The following TEX14 variants were observed in gnomAD, a reference collection of about 807,000 sequenced individuals.
TEX14 encodes inactive serine/threonine-protein kinase TEX14.
Under a neutral mutation model 178.6 loss-of-function variants are expected in TEX14, and 168 were observed. The observed-to-expected ratio is 0.94, with a 90% CI of 0.83 to 1.07. TEX14 has a LOEUF of 1.07. TEX14 is among the 50% of genes least tolerant of loss of function. The probability of loss-of-function intolerance (pLI) is 0.00; values close to 1 mark genes in which losing one functional copy is unlikely to be tolerated. For synonymous variants in TEX14, 626 were observed against 634.1 expected (o/e 0.99, Z 0.19); for missense variants, 1,730 against 1,753.6 (o/e 0.99, Z 0.24).
At chr17:58,605,205 T>C in intron 10 of TEX14, 76 bp from the exon 11 acceptor site, 1 of 1,502,408 alleles carries the variant, frequency 6.7e-7, no homozygotes, top group Non-Finnish European at 9.0e-7. Context: ...ATTCATTCTT[T>C]CATTCATTCA....
chr17:58,602,702 ATTTTT>A (rs11451118), intron 11 of TEX14, 112 bp from the exon 12 acceptor site: 2 of 736,442 alleles, frequency 2.7e-6, no homozygotes, highest in African/African-American at 3.6e-5. Context: ...TAACTTCTTT[ATTTTT>A]TTTTCTAATC....
At chr17:58,571,320 C>T (rs1160689527) in intron 24 of TEX14, among the ~76,000 whole-genome samples, 4 of 148,690 alleles carry the variant, frequency 2.7e-5, no homozygotes, top group Non-Finnish European at 5.9e-5. Flanking sequence ...ACTGCAACCT[C>T]GACCTCCTGG....
intron 1 of TEX14, chr17:58,660,891 G>T: frequency 1.2e-6 from 1 of 816,928 alleles, no homozygotes; most frequent in Non-Finnish European, 2.2e-6. Context: ...GGCCTCTTCT[G>T]GTGACATGAG....
chr17:58,609,665 A>G (rs1268865678), intron 10 of TEX14, among the ~76,000 whole-genome samples: 2 of 152,188 alleles, frequency 1.3e-5, no homozygotes, highest in Admixed American at 6.5e-5. Context: ...AGGGCCCACA[A>G]GGCCAAGCAC....
At chr17:58,667,033 G>T (rs922258710) in intron 1 of TEX14, among the ~76,000 whole-genome samples, 2 of 152,156 alleles carry the variant, frequency 1.3e-5, no homozygotes, top group Non-Finnish European at 2.9e-5. Context: ...CGTCTGTCAG[G>T]CCATTTTCCT....
intron 20 of TEX14, 30 bp from the exon 21 acceptor site, chr17:58,577,486 T>G: frequency 1.1e-6 from 1 of 877,344 alleles, no homozygotes; most frequent in Non-Finnish European, 1.6e-6. Context: ...AATATATATA[T>G]ATATTTTTTT....
At chr17:58,628,282 A>G (rs1190033209) in intron 3 of TEX14, among the ~76,000 whole-genome samples, 3 of 152,138 alleles carry the variant, frequency 2.0e-5, no homozygotes, top group African/African-American at 7.2e-5. Context: ...ACACACATAC[A>G]TAAAATACAA....
At chr17:58,664,644 G>A (rs991526146) in intron 1 of TEX14, among the ~76,000 whole-genome samples, 6 of 152,122 alleles carry the variant, frequency 3.9e-5, no homozygotes, top group African/African-American at 1.4e-4. Flanking sequence ...AAAAAGTTCA[G>A]CAGGGCCACA....
At chr17:58,589,488 G>C (rs1225948771) in intron 15 of TEX14, among the ~76,000 whole-genome samples, 1 of 149,230 alleles carries the variant, frequency 6.7e-6, no homozygotes, top group Non-Finnish European at 1.5e-5. Context: ...CTTGAACCCG[G>C]GAGGCAGAGG....
intron 14 of TEX14, 141 bp downstream of exon 14, chr17:58,598,735 T>C: frequency 1.2e-6 from 1 of 843,196 alleles, no homozygotes; most frequent in East Asian, 2.4e-5. Context: ...GGATGCCCCT[T>C]CCTCCCACTC....
Position 58,599,535 on chromosome 17 carries a change from C to T in TEX14, c.1810G>A (p.Ala604Thr), listed in dbSNP as rs758192054. ...QDAPCPAPFMAEEASSPSTGQ... is the reference protein window; with the variant it reads ...QDAPCPAPFMTEEASSPSTGQ... ...GTGCTGGGGCTGCTGGCCTCTTCTG[C>T]CATAAATGGAGCAGGGCAAGGAGCA... is the stretch of plus-strand genomic sequence containing the variant. The change falls in exon 14 of 32, where the codon GCA becomes ACA. Residue 604 changes from alanine to threonine, a missense_variant. Physicochemically the swap from Ala to Thr is moderately conservative, Grantham distance 58. Around this residue, in one of 2 missense-constraint regions of TEX14, gnomAD observed 941 missense variants for 1,072.4 expected, o/e 0.88. Coordinates refer to ENST00000349033, the MANE Select transcript of TEX14 (RefSeq NM_031272.5). The T allele has an allele frequency of 2.5e-6, 4 of 1,614,024 alleles. No individual in the cohort carries two copies. The South Asian group carries it at 4.4e-5, about 18-fold the overall frequency.
intron 1 of TEX14, 28 bp from the exon 2 acceptor site, chr17:58,652,030 T>C: frequency 6.7e-7 from 1 of 1,481,614 alleles, no homozygotes; most frequent in East Asian, 2.4e-5. Flanking sequence ...AATATGCTTA[T>C]TTTAACTGAA....
intron 5 of TEX14, 66 bp from the exon 6 acceptor site, chr17:58,617,685 G>T: frequency 2.6e-6 from 3 of 1,171,564 alleles, no homozygotes; most frequent in South Asian, 2.7e-5. Context: ...TAATAATGCT[G>T]AACCAAGTTT....
At chr17:58,681,326 G>A (rs986690564) in intron 1 of TEX14, among the ~76,000 whole-genome samples, 1 of 152,040 alleles carries the variant, frequency 6.6e-6, no homozygotes, top group Non-Finnish European at 1.5e-5. Flanking sequence ...GAACATAGAG[G>A]TGTCTTAGAT....
chr17:58,594,222 A>T lies in TEX14; in HGVS notation c.2470-561T>A, dbSNP rs576354460. ...GAGAATAAGCAGACAAGATAGAAAT[A>T]AAAAAAAAATCCACTTTCCTGAGCA... On this transcript the variant is annotated intron_variant, in intron 14 of 31. Transcript: ENST00000349033. 7.3e-5 allele frequency among the ~76,000 whole-genome samples: 11 copies of T among 150,416 alleles called. No individual in the cohort carries two copies. The South Asian group carries it at 8.4e-4, about 11-fold the overall frequency.
chr17:58,589,741 C>T (rs1348594644), intron 15 of TEX14, among the ~76,000 whole-genome samples: 2 of 151,122 alleles, frequency 1.3e-5, no homozygotes. Flanking sequence ...GACTCTGTCA[C>T]TAGGCTGGAG....
intron 31 of TEX14, among the ~76,000 whole-genome samples, chr17:58,557,272 GTTC>G (rs1214266797): frequency 6.8e-6 from 1 of 146,760 alleles, no homozygotes; most frequent in Non-Finnish European, 1.5e-5. Flanking sequence ...TATTAAACCT[GTTC>G]TTTTTTTTTT....
intron 14 of TEX14, among the ~76,000 whole-genome samples, chr17:58,594,112 C>T (rs969833192): frequency 6.6e-5 from 10 of 151,982 alleles, no homozygotes; most frequent in African/African-American, 2.2e-4. Flanking sequence ...GGATTACAGG[C>T]GTGAGCCACT....
At position 58,602,484 on chromosome 17, in the gene TEX14, A is replaced by G. The variant is rs944930712; in HGVS notation, c.1443T>C (p.Ile481=). ...DVRLPKPYYD[I]VKSGIHVKQK... is the part of the protein sequence containing the mutation. ...GCTTGACGTGGATGCCTGACTTAAC[A>G]ATATCATAGTAAGGTTTCGGAAGCC... Residue 481 remains isoleucine, a synonymous_variant, in exon 12 of 32, where the codon ATT becomes ATC. Coordinates refer to ENST00000349033, the MANE Select transcript of TEX14 (RefSeq NM_031272.5). 2 of 1,613,900 alleles carry G rather than the reference A, an allele frequency of 1.2e-6. No individual in the cohort carries two copies. Among genetic ancestry groups the G allele is most frequent in the African/African-American group, 1.3e-5 (1 of 74,888 alleles).
Sources: allele counts gnomAD v4.1 joint callset (sites outside exome capture counted in the v4.1 genomes callset), GRCh38; gene constraint gnomAD v4.1.1; regional missense constraint gnomAD v4.1.1; transcripts MANE v1.5; gene names NCBI Gene and HGNC (gene_info 2026-07-23, HGNC 2026-07-21).